Variants in MACF1 observed in about 807,000 individuals in gnomAD.
MACF1 encodes microtubule actin crosslinking factor 1, also known as microtubule-actin cross-linking factor 1.
Under a neutral mutation model 854.8 loss-of-function variants are expected in MACF1, and 193 were observed. The ratio of observed to expected loss-of-function variants is 0.23; its 90% CI spans 0.20 to 0.25. MACF1 has a LOEUF of 0.25. MACF1 is among the 10% of genes least tolerant of loss of function. The probability of loss-of-function intolerance (pLI) is 1.00; values close to 1 mark genes in which losing one functional copy is unlikely to be tolerated. For synonymous variants in MACF1, 3,185 were observed against 3,226.7 expected, an observed-to-expected ratio of 0.99 and a Z score of 0.44; for missense variants, 7,722 against 8,929.1, an observed-to-expected ratio of 0.86 and a Z score of 5.45.
chr1:39,121,707 CA>C (rs1411600888), intron 2 of MACF1, among the ~76,000 whole-genome samples: 1 of 152,164 alleles, frequency 6.6e-6, no homozygotes, highest in East Asian at 1.9e-4. Context: ...CTTGGCCTCC[CA>C]AAGTGCTAGG....
chr1:39,432,486 A>C, intron 66 of MACF1, 49 bp from the exon 67 acceptor site: 1 of 1,591,096 alleles, frequency 6.3e-7, no homozygotes. Context: ...AGTTATGTGG[A>C]GACTTGGCTG....
chr1:39,269,809 G>A, intron 6 of MACF1: 1 of 1,087,430 alleles, frequency 9.2e-7, no homozygotes, highest in East Asian at 5.9e-5. Flanking sequence ...GAGCAGTGAG[G>A]ATGTTGGTGC....
At chr1:39,429,183 G>A (rs1007116209) in intron 63 of MACF1, 59 bp from the exon 64 acceptor site, 17 of 854,026 alleles carry the variant, frequency 2.0e-5, no homozygotes, top group Non-Finnish European at 3.3e-5. Flanking sequence ...TAAAGGTCTC[G>A]CATTTTGTTT....
Position 39,435,589 on chromosome 1 carries a change from C to G in MACF1, c.17816C>G (p.Pro5939Arg). The G allele has an allele frequency of 6.2e-7, 1 of 1,613,984 alleles. No individual in the cohort carries two copies. The highest frequency in any genetic ancestry group is 1.1e-5 in the South Asian group (1 of 91,060). ...AGGGAATCTATTGCTGAACACAAAC[C>G]TCATATTGACAAACTACTAAAGATA... ...QLRESIAEHK[P>R]HIDKLLKIGP... is the part of the protein sequence containing the mutation. Residue 5939 changes from proline (P) to arginine (R), a missense_variant, in exon 70 of 101, where the codon CCT becomes CGT. By Grantham distance (103) the Pro-to-Arg change is moderately radical (BLOSUM62 -2). Coordinates refer to ENST00000564288, the MANE Select transcript of MACF1 (RefSeq NM_001394062.1).
intron 95 of MACF1, among the ~76,000 whole-genome samples, chr1:39,466,870 T>C (rs945511216): frequency 1.3e-5 from 2 of 152,174 alleles, no homozygotes; most frequent in African/African-American, 2.4e-5. Flanking sequence ...ATTTTCAAAG[T>C]AAAGGGCTGG....
At chr1:39,370,260 G>C in intron 51 of MACF1, 74 bp downstream of exon 51, 1 of 1,327,708 alleles carries the variant, frequency 7.5e-7, no homozygotes, top group East Asian at 2.5e-5. Flanking sequence ...GTCTCCAGCT[G>C]TGGTGGGGAA....
At chr1:39,425,392 C>T (rs975333654) in intron 61 of MACF1, among the ~76,000 whole-genome samples, 64 of 152,108 alleles carry the variant, frequency 4.2e-4, no homozygotes, top group African/African-American at 1.4e-3. Flanking sequence ...CTGAAATAAG[C>T]CTTTAATCAT....
Position 39,359,337 on chromosome 1 carries a change from T to C in MACF1, c.12244+73T>C, listed in dbSNP as rs538330039. The C allele has an allele frequency of 2.6e-6, 4 of 1,533,828 alleles. No individual in the cohort carries two copies. The East Asian group carries it at 6.8e-5, about 26-fold the overall frequency. On this transcript the variant is annotated intron_variant, in intron 47 of 100. Transcript: ENST00000564288. ...TACCTCTATTCTGCAATATGTCACA[T>C]TGTGTTGTGCAAATATCTGTGGTGC... is the stretch of plus-strand genomic sequence containing the variant.
At position 39,479,861 on chromosome 1, in the gene MACF1, G is replaced by T. The variant is rs1390564355; in HGVS notation, c.22022G>T (p.Gly7341Val). 6.2e-7 allele frequency: 1 copy of T among 1,614,116 alleles called. No individual in the cohort carries two copies. Among genetic ancestry groups the T allele is most frequent in the Admixed American group, 1.7e-5 (1 of 60,014 alleles). The change falls in exon 98 of 101, where the codon GGA becomes GTA. Residue 7341 changes from glycine (G) to valine (V), a missense_variant. By Grantham distance (109) the Gly-to-Val change is moderately radical. Coordinates refer to ENST00000564288, the MANE Select transcript of MACF1 (RefSeq NM_001394062.1). ...KFILPEGASQ[G>V]MTPFRSRGRR... ...ATCCTACCAGAGGGAGCATCCCAGG[G>T]AATGACCCCCTTCCGCTCACGGGGT... is the stretch of plus-strand genomic sequence containing the variant.
Position 39,316,372 on chromosome 1 carries a change from T to C in MACF1, c.3450-19T>C. On this transcript the variant is annotated intron_variant, in intron 27 of 100. Coordinates refer to ENST00000564288, the MANE Select transcript of MACF1 (RefSeq NM_001394062.1). ...TAAAATTCATGTGTTAATGAAGGAA[T>C]GTGTATTTGTCCCCACAGGTTAAAG... The C allele has an allele frequency of 3.1e-6, 5 of 1,587,702 alleles. No homozygotes were observed. The highest frequency in any genetic ancestry group is 4.3e-6 in the Non-Finnish European group (5 of 1,163,834).
chr1:39,280,405 T>C (rs1382299147), intron 6 of MACF1, among the ~76,000 whole-genome samples: 1 of 152,124 alleles, frequency 6.6e-6, no homozygotes, highest in Non-Finnish European at 1.5e-5. Flanking sequence ...TAGTTTCTGC[T>C]TGACACGTCC....
At position 39,335,568 on chromosome 1, in the gene MACF1, CTTTCTGAAGAAAAGTTGTATCA is replaced by C. The variant is rs1646797858; in HGVS notation, c.8981_9002del (p.Leu2994ArgfsTer13). ...TATCAGAACATGCAAACCAGCATTT[CTTTCTGAAGAAAAGTTGTATCA>C]GGAAACTGCCATTAGAGATGAGCAT... On this transcript the variant is annotated frameshift_variant, in exon 37 of 101. Transcript: ENST00000564288. LOFTEE classifies it high-confidence loss of function. 1 of 1,614,050 alleles carries C rather than the reference CTTTCTGAAGAAAAGTTGTATCA, an allele frequency of 6.2e-7. No homozygotes were observed. Among genetic ancestry groups the C allele is most frequent in the African/African-American group, 1.3e-5 (1 of 74,924 alleles).
chr1:39,164,517 A>T (rs192040575), intron 2 of MACF1, among the ~76,000 whole-genome samples: 15 of 152,326 alleles, frequency 9.8e-5, no homozygotes, highest in African/African-American at 3.1e-4. Flanking sequence ...CCATCATGTC[A>T]TCATCATATC....
intron 44 of MACF1, 62 bp from the exon 45 acceptor site, chr1:39,357,313 C>T: frequency 6.4e-7 from 1 of 1,552,006 alleles, no homozygotes; most frequent in Non-Finnish European, 8.7e-7. Context: ...GTCTTGTATA[C>T]CTCAAATTAT....
In MACF1 at chr1:39,268,563, A is replaced by G; in HGVS notation, c.528+10535A>G. On this transcript the variant is annotated intron_variant, in intron 6 of 100. Coordinates refer to ENST00000564288, the MANE Select transcript of MACF1 (RefSeq NM_001394062.1). The stretch of plus-strand genomic sequence containing the variant: ...CAGAGAGAGGCGGGGAGGGAGGGAG[A>G]AAGAATTGGAGGGATTGCCGGCATA... 3 of 1,153,956 alleles carry G rather than the reference A, an allele frequency of 2.6e-6. No homozygotes were observed. The Middle Eastern group carries it at 1.2e-3, about 443-fold the overall frequency. The allele number at this position is 1,153,956 out of a possible 1,614,324, so 71.5% of individuals were successfully genotyped here. A position where few individuals can be genotyped will look rare whatever the true frequency, so the allele number is the denominator to read the frequency against.
Position 39,327,269 on chromosome 1 carries a change from C to T in MACF1, c.4530C>T (p.Asn1510=). 1 of 1,605,618 alleles carries T rather than the reference C, an allele frequency of 6.2e-7. No homozygotes were observed. The highest frequency in any genetic ancestry group is 8.5e-7 in the Non-Finnish European group (1 of 1,173,188). The change falls in exon 36 of 101, where the codon AAC becomes AAT. Residue 1510 remains asparagine, a synonymous_variant. Coordinates refer to ENST00000564288, the MANE Select transcript of MACF1 (RefSeq NM_001394062.1). ...TATCTGAGCAATTGAATGCCCTAAACAAGGCTTACCATGACCTTTGTGATG... is the reference window on the plus strand; with the variant it reads ...TATCTGAGCAATTGAATGCCCTAAATAAGGCTTACCATGACCTTTGTGATG... ...KQISEQLNAL[N]KAYHDLCDGS...
rs780432351 is a variant in MACF1, at chr1:39,451,240, G to A, written c.20418+29G>A. The stretch of plus-strand genomic sequence containing the variant: ...GGGGTGAGGTCTGGGCTACATTGGA[G>A]TGCAGTGGGTCTTCTGTATATGACT... On this transcript the variant is annotated intron_variant, in intron 85 of 100. Transcript: ENST00000564288. 74 of 1,603,848 alleles carry A rather than the reference G, an allele frequency of 4.6e-5. No individual in the cohort carries two copies. The Admixed American group carries it at 1.0e-3, about 22-fold the overall frequency.
At chr1:39,399,358 C>G (rs1442092856) in intron 58 of MACF1, among the ~76,000 whole-genome samples, 1 of 141,842 alleles carries the variant, frequency 7.1e-6, no homozygotes, top group Non-Finnish European at 1.5e-5. Context: ...CTCAAGTCCA[C>G]TTCTTTATAA....
At chr1:39,374,791 A>C (rs1222724644) in intron 52 of MACF1, among the ~76,000 whole-genome samples, 1 of 152,146 alleles carries the variant, frequency 6.6e-6, no homozygotes, top group African/African-American at 2.4e-5. Context: ...GAAATCTCAT[A>C]TAGAACCCTA....
Sources: allele counts gnomAD v4.1 joint callset (sites outside exome capture counted in the v4.1 genomes callset), GRCh38; gene constraint gnomAD v4.1.1; transcripts MANE v1.5; gene names NCBI Gene and HGNC (gene_info 2026-07-23, HGNC 2026-07-21).